TLL1: variants seen among roughly 807,000 people sequenced by gnomAD.
TLL1 encodes the protein tolloid-like protein 1.
TLL1 carries 49 observed loss-of-function variants against 128.2 expected under a neutral mutation model. That is an observed-to-expected ratio of 0.38 (90% CI 0.30 to 0.48). The LOEUF (loss-of-function observed/expected upper bound fraction) is 0.48. Among genes scored for constraint, TLL1 ranks in the 20% least tolerant of loss-of-function variants. The probability of loss-of-function intolerance (pLI) is 0.96; values close to 1 mark genes in which losing one functional copy is unlikely to be tolerated. For missense variants in TLL1, 1,123 were observed against 1,242.0 expected, an observed-to-expected ratio of 0.90 and a Z score of 1.44; for synonymous variants, 454 against 418.8, an observed-to-expected ratio of 1.08 and a Z score of -1.03.
chr4:165,993,105 T>G, intron 3 of TLL1, among the ~76,000 whole-genome samples: 1 of 152,110 alleles, frequency 6.6e-6, no homozygotes, highest in Non-Finnish European at 1.5e-5. Context: ...AAGCTTCTCT[T>G]TATTTAAACA....
At chr4:166,041,934 C>A in intron 10 of TLL1, 93 bp from the exon 11 acceptor site, 7 of 842,648 alleles carry the variant, frequency 8.3e-6, no homozygotes, top group South Asian at 8.2e-5. Flanking sequence ...TGAACCAAAT[C>A]GGTGTTTACA....
intron 5 of TLL1, among the ~76,000 whole-genome samples, chr4:166,001,295 A>C (rs1737140618): frequency 6.6e-6 from 1 of 152,132 alleles, no homozygotes; most frequent in South Asian, 2.1e-4. Flanking sequence ...AACTCTAATT[A>C]TTAAAGTTTT....
chr4:166,005,021 T>C (rs1332627798), intron 6 of TLL1, among the ~76,000 whole-genome samples: 1 of 151,966 alleles, frequency 6.6e-6, no homozygotes. Context: ...ACTAAGTTCT[T>C]AGGGTAGTAC....
At chr4:166,024,788 A>G (rs1434199035) in intron 8 of TLL1, among the ~76,000 whole-genome samples, 1 of 152,140 alleles carries the variant, frequency 6.6e-6, no homozygotes, top group African/African-American at 2.4e-5. Flanking sequence ...TGATGTTTAT[A>G]TACATATATA....
At chr4:166,028,111 T>TC (rs1259159134) in intron 9 of TLL1, among the ~76,000 whole-genome samples, 1 of 152,084 alleles carries the variant, frequency 6.6e-6, no homozygotes, top group Non-Finnish European at 1.5e-5. Context: ...GGGTTTTTTT[T>TC]CTTACTTCTT....
At chr4:166,040,706 AT>A (rs1222630303) in intron 10 of TLL1, among the ~76,000 whole-genome samples, 22 of 152,240 alleles carry the variant, frequency 1.4e-4, no homozygotes, top group Non-Finnish European at 3.1e-4. Flanking sequence ...TAGGGTTTGC[AT>A]TTTAATAGAT....
intron 15 of TLL1, among the ~76,000 whole-genome samples, chr4:166,061,277 G>A (rs868836924): frequency 3.5e-5 from 5 of 142,538 alleles, no homozygotes; most frequent in East Asian, 2.0e-4. Flanking sequence ...ACAGAGTCTC[G>A]CTCTGTTGCC....
rs147440415 is a variant in TLL1, at chr4:165,980,385, G to C, written c.170-8996G>C. On this transcript the variant is annotated intron_variant, in intron 1 of 20. Transcript: ENST00000061240. ...TTCATCAAAAGTTTGCATCTCCCCA[G>C]GAACATCCTTCTATTCTCTATAGCA... 3.9e-3 allele frequency among the ~76,000 whole-genome samples: 587 copies of C among 152,138 alleles called. 5 individuals carry two copies. Among genetic ancestry groups the C allele is most frequent in the African/African-American group, 0.013 (534 of 41,520 alleles).
intron 6 of TLL1, among the ~76,000 whole-genome samples, chr4:166,006,513 A>C (rs1356620263): frequency 6.6e-6 from 1 of 151,816 alleles, no homozygotes; most frequent in Non-Finnish European, 1.5e-5. Context: ...TCTAAATTGA[A>C]ATCTTACAGG....
chr4:165,938,780 C>CTT (rs11383521), intron 1 of TLL1, among the ~76,000 whole-genome samples: 3,480 of 141,424 alleles, frequency 0.025, 152 homozygotes, highest in African/African-American at 0.085. Flanking sequence ...TCCTTAAAAT[C>CTT]TTTTTTTTTT....
At chr4:166,003,069 C>T (rs988448150) in intron 5 of TLL1, among the ~76,000 whole-genome samples, 2 of 152,042 alleles carry the variant, frequency 1.3e-5, no homozygotes, top group South Asian at 2.1e-4. Context: ...AATACAACAT[C>T]GTCATCATGA....
At chr4:165,913,020 A>G (rs1489118567) in intron 1 of TLL1, among the ~76,000 whole-genome samples, 1 of 152,172 alleles carries the variant, frequency 6.6e-6, no homozygotes, top group African/African-American at 2.4e-5. Context: ...ACCATGCCAC[A>G]TGAACTATGA....
chr4:165,925,671 CAAGT>C (rs1733236480), intron 1 of TLL1, among the ~76,000 whole-genome samples: 2 of 152,278 alleles, frequency 1.3e-5, no homozygotes, highest in East Asian at 3.9e-4. Context: ...AGACTGACTT[CAAGT>C]TTCAAAGAAG....
chr4:165,907,727 T>C (rs1273998926), intron 1 of TLL1, among the ~76,000 whole-genome samples: 2 of 152,124 alleles, frequency 1.3e-5, no homozygotes, highest in Non-Finnish European at 2.9e-5. Flanking sequence ...TTTGTGTTTT[T>C]AGTAGAGACA....
chr4:166,093,936 G>A (rs1365739146), intron 19 of TLL1, among the ~76,000 whole-genome samples: 3 of 152,002 alleles, frequency 2.0e-5, no homozygotes, highest in African/African-American at 7.3e-5. Context: ...ATGGGGCAAA[G>A]TGGCTGGGGC....
Position 166,014,436 on chromosome 4 carries a change from G to C in TLL1, c.918G>C (p.Arg306Ser), listed in dbSNP as rs1259362470. The C allele has an allele frequency of 3.1e-6, 5 of 1,611,784 alleles. No homozygotes were observed. The South Asian group carries it at 4.4e-5, about 14-fold the overall frequency. The change falls in exon 8 of 21, where the codon AGG (arginine) becomes AGC (serine). Residue 306 changes from arginine (R) to serine (S), a missense_variant and splice_region_variant. This residue lies in a region of TLL1 where 480 missense variants were observed against 542.4 expected (regional missense o/e 0.89). Coordinates refer to ENST00000061240, the MANE Select transcript of TLL1 (RefSeq NM_012464.5). ...GTGGTTTGCTTCTGCTTTTTTTCAG[G>C]GGGATGTTTCTGGATACCATTCTCC... ...IMHYARNTFS[R>S]GMFLDTILPS...
At chr4:165,959,613 T>A (rs1015793143) in intron 1 of TLL1, among the ~76,000 whole-genome samples, 1 of 152,080 alleles carries the variant, frequency 6.6e-6, no homozygotes, top group Non-Finnish European at 1.5e-5. Flanking sequence ...TCTCAATAAA[T>A]TTGAAAAAGT....
intron 1 of TLL1, among the ~76,000 whole-genome samples, chr4:165,949,189 A>G (rs755875268): frequency 6.6e-6 from 1 of 152,138 alleles, no homozygotes; most frequent in Non-Finnish European, 1.5e-5. Context: ...CAAGGTGAGG[A>G]GAAATGCAGG....
At chr4:166,066,791 G>A (rs185161079) in intron 16 of TLL1, among the ~76,000 whole-genome samples, 35 of 151,724 alleles carry the variant, frequency 2.3e-4, no homozygotes, top group African/African-American at 7.7e-4. Flanking sequence ...CTCGGCTCCC[G>A]TGTTCTCATT....
Sources: allele counts gnomAD v4.1 joint callset (sites outside exome capture counted in the v4.1 genomes callset), GRCh38; gene constraint gnomAD v4.1.1; regional missense constraint gnomAD v4.1.1; transcripts MANE v1.5; gene names NCBI Gene and HGNC (gene_info 2026-07-23, HGNC 2026-07-21).